BTD: variants seen among roughly 807,000 people sequenced by gnomAD.
BTD encodes biocytinase.
Under a neutral mutation model 17.7 loss-of-function variants are expected in BTD, and 13 were observed. The observed-to-expected ratio is 0.74, with a 90% CI of 0.48 to 1.17. BTD has a LOEUF of 1.17. Ranked by LOEUF, BTD falls within the 50% of genes most tolerant of loss-of-function variation. BTD has a pLI of 0.00. For missense variants in BTD, 674 were observed against 650.4 expected, an observed-to-expected ratio of 1.04 and a Z score of -0.39; for synonymous variants, 240 against 245.2, an observed-to-expected ratio of 0.98 and a Z score of 0.20.
intron 3 of BTD, among the ~76,000 whole-genome samples, chr3:15,707,678 G>A (rs866118174): frequency 2.1e-4 from 32 of 152,316 alleles, no homozygotes; most frequent in African/African-American, 7.5e-4. Context: ...TTGGCAGATA[G>A]GACAAGAAGG....
At chr3:15,642,684 G>A (rs1032869077) in intron 3 of BTD, among the ~76,000 whole-genome samples, 7 of 151,770 alleles carry the variant, frequency 4.6e-5, no homozygotes, top group African/African-American at 1.7e-4. Context: ...GGATGGTCTC[G>A]ATCTCCTGAC....
At chr3:15,663,228 AG>A (rs1429559378) in intron 3 of BTD, among the ~76,000 whole-genome samples, 1 of 152,104 alleles carries the variant, frequency 6.6e-6, no homozygotes, top group Non-Finnish European at 1.5e-5. Flanking sequence ...TCCTCACCTC[AG>A]GTGATCCGCC....
chr3:15,636,379 C>CT (rs2065348551), intron 2 of BTD, among the ~76,000 whole-genome samples: 1 of 152,196 alleles, frequency 6.6e-6, no homozygotes, highest in Non-Finnish European at 1.5e-5. Flanking sequence ...TTTGTGAAGG[C>CT]TTCCTGGTTG....
chr3:15,654,896 G>A (rs140207209), downstream of BTD, among the ~76,000 whole-genome samples: 262 of 152,258 alleles, frequency 1.7e-3, no homozygotes, highest in African/African-American at 6.1e-3. Context: ...CACCATACCC[G>A]GCTAATTTTG....
intron 3 of BTD, among the ~76,000 whole-genome samples, chr3:15,705,129 G>C (rs1161860341): frequency 1.3e-5 from 2 of 152,120 alleles, no homozygotes; most frequent in Admixed American, 6.5e-5. Context: ...CAGTGTATCA[G>C]GCTGTTTAGT....
At chr3:15,636,706 G>A (rs1344141657) in intron 2 of BTD, among the ~76,000 whole-genome samples, 1 of 137,924 alleles carries the variant, frequency 7.3e-6, no homozygotes, top group Non-Finnish European at 1.5e-5. Flanking sequence ...GGCCTGGACA[G>A]CCACAGCAAT....
Position 15,695,267 on chromosome 3 carries a change from T to C in BTD, c.400-14793T>C, listed in dbSNP as rs528628405. ...TTAGCTTGGGAAGTATTCATCTATA[T>C]TAAGTCTCAACTTATATAGAGCTTT... is the stretch of plus-strand genomic sequence containing the variant. On this transcript the variant is annotated intron_variant, in intron 3 of 3. Transcript: ENST00000672141. 2.2e-5 allele frequency: 30 copies of C among 1,342,202 alleles called. No homozygotes were observed. The East Asian group carries it at 2.5e-4, about 11-fold the overall frequency. The allele number at this position is 1,342,202 out of a possible 1,614,324, so 83.1% of individuals were successfully genotyped here. A position where few individuals can be genotyped will look rare whatever the true frequency, so the allele number is the denominator to read the frequency against.
At chr3:15,718,668 C>G (rs966221244) in intron 4 of BTD, among the ~76,000 whole-genome samples, 1 of 151,848 alleles carries the variant, frequency 6.6e-6, no homozygotes. Context: ...CTTTTAAAGA[C>G]AGCATCATGT....
chr3:15,687,103 C>T (rs373443249), intron 3 of BTD, among the ~76,000 whole-genome samples: 4 of 151,826 alleles, frequency 2.6e-5, no homozygotes, highest in African/African-American at 7.3e-5. Context: ...CCACCACACC[C>T]GGCGATTTTT....
intron 1 of BTD, among the ~76,000 whole-genome samples, chr3:15,633,335 GCTTGGTT>G (rs1401550776): frequency 1.3e-5 from 2 of 152,094 alleles, no homozygotes; most frequent in South Asian, 2.1e-4. Flanking sequence ...ACCTCATTAA[GCTTGGTT>G]CTTTCAAGCA....
At chr3:15,713,626 C>G, downstream of BTD, 1 of 1,605,270 alleles carries the variant, frequency 6.2e-7, no homozygotes, top group African/African-American at 1.3e-5. Context: ...CTTATCCTCA[C>G]AGTCGATTAC....
chr3:15,656,096 C>T (rs2125537034), downstream of BTD, among the ~76,000 whole-genome samples: 1 of 152,328 alleles, frequency 6.6e-6, no homozygotes, highest in African/African-American at 2.4e-5. Context: ...AGCCACTGCA[C>T]CCAGCCTACT....
upstream of BTD, chr3:15,601,557 G>A (rs1306877866): frequency 6.2e-7 from 1 of 1,603,416 alleles, no homozygotes; most frequent in Non-Finnish European, 8.5e-7. Context: ...GCCACCTCTG[G>A]TACTGCACCT....
intron 1 of BTD, among the ~76,000 whole-genome samples, chr3:15,615,778 C>A (rs952142965): frequency 6.6e-6 from 1 of 152,126 alleles, no homozygotes; most frequent in African/African-American, 2.4e-5. Context: ...AACATGAAGT[C>A]CATAGTTTAC....
chr3:15,707,676 T>C (rs1044024138), intron 3 of BTD, among the ~76,000 whole-genome samples: 14 of 152,202 alleles, frequency 9.2e-5, no homozygotes, highest in East Asian at 1.9e-4. Flanking sequence ...TTTTGGCAGA[T>C]AGGACAAGAA....
rs2065833127 is a variant in BTD at position 15,653,176 on chromosome 3, C to G, written c.*7688C>G. Among the ~76,000 whole-genome samples the G allele has an allele frequency of 6.6e-6, 1 of 152,244 alleles. No individual in the cohort carries two copies. Among genetic ancestry groups the G allele is most frequent in the Non-Finnish European group, 1.5e-5 (1 of 68,046 alleles). The stretch of plus-strand genomic sequence containing the variant: ...TGGAAATGCAAATTCTTGGGCTCCA[C>G]CCCAGATCAACTTAATCGGACTCTC... On this transcript the variant is annotated 3_prime_UTR_variant, in exon 4 of 4. Transcript: ENST00000643237.
At chr3:15,631,332 T>G in intron 1 of BTD, 4 of 801,450 alleles carry the variant, frequency 5.0e-6, no homozygotes, top group African/African-American at 1.7e-5. Flanking sequence ...ATTAAAAAGA[T>G]GTTTTATTTA....
chr3:15,701,104 A>G (rs988728875), intron 3 of BTD, among the ~76,000 whole-genome samples: 1 of 152,236 alleles, frequency 6.6e-6, no homozygotes, highest in South Asian at 2.1e-4. Flanking sequence ...AAACAAATGA[A>G]AAGAAATTCT....
Position 15,653,252 on chromosome 3 carries a change from G to C in BTD, c.*7764G>C, listed in dbSNP as rs1322851116. ...TTTAACAAGTCCTCCAGGTGATTCCGATCCTAATCAAGTGTGAGCCCACTG... is the reference window on the plus strand; with the variant it reads ...TTTAACAAGTCCTCCAGGTGATTCCCATCCTAATCAAGTGTGAGCCCACTG... On this transcript the variant is annotated 3_prime_UTR_variant, in exon 4 of 4. Coordinates refer to ENST00000643237, the MANE Select transcript of BTD (RefSeq NM_001370658.1). Among the ~76,000 whole-genome samples, 1 of 152,252 alleles carries C rather than the reference G, an allele frequency of 6.6e-6. No homozygotes were observed. Among genetic ancestry groups the C allele is most frequent in the African/African-American group, 2.4e-5 (1 of 41,462 alleles).
Sources: gnomAD v4.1 joint callset for allele counts (sites outside exome capture counted in the v4.1 genomes callset) on GRCh38, gnomAD v4.1.1 for gene constraint, MANE v1.5 for transcripts, NCBI Gene and HGNC (gene_info 2026-07-23, HGNC 2026-07-21) for gene names.